RBMS3: variants seen among roughly 807,000 people sequenced by gnomAD.
The protein encoded by RBMS3 is RNA binding motif single stranded interacting protein 3, also known as RNA-binding motif, single-stranded-interacting protein 3.
Under a neutral mutation model 66.8 loss-of-function variants are expected in RBMS3, and 27 were observed. The observed-to-expected ratio is 0.40, with a 90% CI of 0.30 to 0.56. The LOEUF is 0.56. Ranked by LOEUF, RBMS3 falls within the 20% of genes least tolerant of loss-of-function variation. The probability of loss-of-function intolerance (pLI) is 0.40; values close to 1 mark genes in which losing one functional copy is unlikely to be tolerated. For missense variants in RBMS3, 513 were observed against 549.5 expected (o/e 0.93, Z 0.66); for synonymous variants, 188 against 183.0 (o/e 1.03, Z -0.22).
At chr3:29,301,325 C>T (rs1022382911) in intron 1 of RBMS3, among the ~76,000 whole-genome samples, 26 of 151,956 alleles carry the variant, frequency 1.7e-4, no homozygotes, top group Admixed American at 1.6e-3. Flanking sequence ...CTGTGCTATG[C>T]TCTACTTATG....
At chr3:29,479,282 AATGTAT>A (rs1232161763) in intron 2 of RBMS3, among the ~76,000 whole-genome samples, 2 of 150,898 alleles carry the variant, frequency 1.3e-5, no homozygotes, top group African/African-American at 4.9e-5. Context: ...TAGCATATGT[AATGTAT>A]ATGTGTATGT....
chr3:29,919,535 C>G (rs543169235), intron 10 of RBMS3, among the ~76,000 whole-genome samples: 1 of 152,176 alleles, frequency 6.6e-6, no homozygotes, highest in Non-Finnish European at 1.5e-5. Flanking sequence ...ATTTGCTAAT[C>G]CCAGTTTCAA....
At chr3:29,447,814 G>A (rs1255624452) in intron 2 of RBMS3, among the ~76,000 whole-genome samples, 1 of 152,198 alleles carries the variant, frequency 6.6e-6, no homozygotes, top group Non-Finnish European at 1.5e-5. Context: ...TCGAGCTCCT[G>A]TGTCTGGTCA....
chr3:29,294,404 T>C (rs2033073152), intron 1 of RBMS3, among the ~76,000 whole-genome samples: 1 of 149,424 alleles, frequency 6.7e-6, no homozygotes, highest in Admixed American at 6.7e-5. Flanking sequence ...GGAAAAACCA[T>C]AAAACACAAG....
intron 1 of RBMS3, 68 bp downstream of exon 1, chr3:29,281,824 G>A: frequency 7.3e-7 from 1 of 1,364,870 alleles, no homozygotes; most frequent in Non-Finnish European, 1.0e-6. Context: ...GAAACAGACA[G>A]GCGTGTGAAT....
At chr3:29,835,560 TA>T (rs1027600863) in intron 6 of RBMS3, among the ~76,000 whole-genome samples, 1 of 151,444 alleles carries the variant, frequency 6.6e-6, no homozygotes, top group East Asian at 1.9e-4. Flanking sequence ...AAAAGATAAT[TA>T]AAAAAATATT....
intron 10 of RBMS3, among the ~76,000 whole-genome samples, chr3:29,931,594 C>T (rs1434571600): frequency 1.3e-5 from 2 of 151,998 alleles, no homozygotes; most frequent in African/African-American, 2.4e-5. Flanking sequence ...TTTGTTTCTT[C>T]TCCCCACAAA....
chr3:29,883,512 T>C (rs2059785175), intron 7 of RBMS3, among the ~76,000 whole-genome samples: 1 of 152,164 alleles, frequency 6.6e-6, no homozygotes, highest in African/African-American at 2.4e-5. Context: ...CTATATCCAG[T>C]TATAGAGAAG....
intron 1 of RBMS3, among the ~76,000 whole-genome samples, chr3:29,394,942 G>C (rs562480123): frequency 3.9e-4 from 60 of 152,240 alleles, no homozygotes; most frequent in African/African-American, 1.4e-3. Context: ...CCTCCTTCCA[G>C]ACTTTGTTCA....
chr3:29,662,674 C>T (rs746248704), intron 4 of RBMS3, among the ~76,000 whole-genome samples: 1 of 152,130 alleles, frequency 6.6e-6, no homozygotes, highest in Non-Finnish European at 1.5e-5. Flanking sequence ...AAATAATTAT[C>T]TTTGAATCCT....
intron 6 of RBMS3, among the ~76,000 whole-genome samples, chr3:29,768,262 G>A (rs191423861): frequency 6.6e-6 from 1 of 151,992 alleles, no homozygotes; most frequent in African/African-American, 2.4e-5. Context: ...ATGGTCAATG[G>A]AGTCTGAGAA....
At chr3:29,951,917 T>A (rs1695707288) in intron 12 of RBMS3, among the ~76,000 whole-genome samples, 1 of 151,686 alleles carries the variant, frequency 6.6e-6, no homozygotes, top group Admixed American at 6.6e-5. Context: ...AACATACACA[T>A]GAAAAAATCT....
At chr3:29,453,922 G>A (rs2042092437) in intron 2 of RBMS3, among the ~76,000 whole-genome samples, 1 of 152,142 alleles carries the variant, frequency 6.6e-6, no homozygotes, top group African/African-American at 2.4e-5. Flanking sequence ...ACTTGTCAGA[G>A]GAAATGAACT....
rs953246815 is a variant in RBMS3 at position 29,652,224 on chromosome 3, C to T, written c.399+65019C>T. 4.6e-5 allele frequency among the ~76,000 whole-genome samples: 7 copies of T among 152,060 alleles called. No homozygotes were observed. The South Asian group carries it at 6.2e-4, about 13-fold the overall frequency. On this transcript the variant is annotated intron_variant, in intron 4 of 14. Transcript: ENST00000383767. ...ATTAATGTGGTTATGATTTCCTCAA[C>T]GGTAATTTCAATTTCAGCTGTCTGG...
At chr3:29,920,091 T>A (rs915847654) in intron 10 of RBMS3, among the ~76,000 whole-genome samples, 4 of 152,134 alleles carry the variant, frequency 2.6e-5, no homozygotes, top group Non-Finnish European at 4.4e-5. Flanking sequence ...AAGGGAAAGG[T>A]CATGCATGGC....
At chr3:29,466,889 A>G (rs1296044750) in intron 2 of RBMS3, among the ~76,000 whole-genome samples, 1 of 152,174 alleles carries the variant, frequency 6.6e-6, no homozygotes, top group Non-Finnish European at 1.5e-5. Context: ...CATTGTATTC[A>G]GTGATACTAA....
chr3:29,499,394 A>G (rs1254445035), intron 3 of RBMS3, among the ~76,000 whole-genome samples: 1 of 152,196 alleles, frequency 6.6e-6, no homozygotes, highest in Non-Finnish European at 1.5e-5. Flanking sequence ...AAAACAAAAC[A>G]AAACAAAACA....
At chr3:29,894,052 G>A (rs1274139978) in intron 8 of RBMS3, among the ~76,000 whole-genome samples, 6 of 151,440 alleles carry the variant, frequency 4.0e-5, no homozygotes, top group East Asian at 3.9e-4. Context: ...CATTGTATTC[G>A]TCAGTTCAGG....
chr3:29,988,098 G>T, intron 12 of RBMS3, 45 bp from the exon 13 acceptor site: 1 of 1,463,512 alleles, frequency 6.8e-7, no homozygotes, highest in Non-Finnish European at 9.6e-7. Flanking sequence ...TTTCTCACTG[G>T]TTGCAGCTCA....
Sources: allele counts gnomAD v4.1 joint callset (sites outside exome capture counted in the v4.1 genomes callset), GRCh38; gene constraint gnomAD v4.1.1; transcripts MANE v1.5; gene names NCBI Gene and HGNC (gene_info 2026-07-23, HGNC 2026-07-21).